Variants in RMDN1 observed in about 807,000 individuals in gnomAD.
RMDN1 encodes the protein regulator of microtubule dynamics 1.
A neutral mutation model predicts 48.9 loss-of-function variants in RMDN1; 48 were observed. The observed-to-expected ratio is 0.98, with a 90% confidence interval of 0.78 to 1.25. RMDN1 has a LOEUF of 1.25. RMDN1 is among the 50% of genes most tolerant of loss of function. The pLI is 0.00. For synonymous variants in RMDN1, 148 were observed against 132.6 expected, an observed-to-expected ratio of 1.12 and a Z score of -0.80; for missense variants, 418 against 373.4, an observed-to-expected ratio of 1.12 and a Z score of -0.98.
At chr8:86,508,873 C>G, upstream of RMDN1, 1 of 1,109,060 alleles carries the variant, frequency 9.0e-7, no homozygotes, top group African/African-American at 1.6e-5. Flanking sequence ...GCCGTGAGAG[C>G]GCTCTCTTCA....
chr8:86,474,477 C>T, intron 9 of RMDN1, 119 bp from the exon 10 acceptor site: 3 of 812,198 alleles, frequency 3.7e-6, no homozygotes, highest in Non-Finnish European at 4.2e-6. Flanking sequence ...GACATTATAA[C>T]AATAAAATGT....
downstream of RMDN1, chr8:86,470,307 G>C (rs533406334): frequency 1.6e-6 from 2 of 1,289,288 alleles, no homozygotes; most frequent in South Asian, 2.5e-5. Context: ...GGGGCTGCAC[G>C]GGAAGGAGAA....
chr8:86,503,371 CAAA>C (rs1182231210), intron 2 of RMDN1, among the ~76,000 whole-genome samples: 18 of 68,008 alleles, frequency 2.6e-4, no homozygotes, highest in Middle Eastern at 6.0e-3. Flanking sequence ...CAAAACAAAA[CAAA>C]AAAAAAAAAA....
Position 86,498,625 on chromosome 8 carries a change from CA to C in RMDN1, c.247+8369del, listed in dbSNP as rs1817744187. ...GAAACCCCGACTCTACAAAAAAATA[CA>C]AAAAATTACCCAGGCGTAGTGGTAT... On this transcript the variant is annotated intron_variant, in intron 2 of 9. Transcript: ENST00000406452. 3.3e-5 allele frequency among the ~76,000 whole-genome samples: 5 copies of C among 151,278 alleles called. No individual in the cohort carries two copies. In the South Asian group the frequency reaches 1.0e-3, roughly 32 times the overall value.
In RMDN1 at chr8:86,474,248, T is replaced by C. The variant is rs1256475741; in HGVS notation, c.*60A>G. The C allele has an allele frequency of 1.2e-6, 2 of 1,606,434 alleles. No homozygotes were observed. The highest frequency in any genetic ancestry group is 1.7e-5 in the Admixed American group (1 of 58,934). ...ACAGTTATAGTTCATATATTAAGTTTAGAATTAAAAGAAAAGGCAATGTTT... is the reference window on the plus strand; with the variant it reads ...ACAGTTATAGTTCATATATTAAGTTCAGAATTAAAAGAAAAGGCAATGTTT... On this transcript the variant is annotated 3_prime_UTR_variant, in exon 10 of 10. Coordinates refer to ENST00000406452, the MANE Select transcript of RMDN1 (RefSeq NM_016033.3).
At chr8:86,475,104 T>C (rs1217019182) in intron 8 of RMDN1, 151 bp from the exon 9 acceptor site, 2 of 554,476 alleles carry the variant, frequency 3.6e-6, no homozygotes, top group Non-Finnish European at 6.1e-6. Context: ...TGTTTATATC[T>C]CAAACAAATA....
At chr8:86,495,571 C>A (rs1447046607) in intron 2 of RMDN1, among the ~76,000 whole-genome samples, 1 of 152,046 alleles carries the variant, frequency 6.6e-6, no homozygotes, top group African/African-American at 2.4e-5. Context: ...CGGAATGGGG[C>A]CTATCTCATC....
intron 2 of RMDN1, chr8:86,504,378 C>G: frequency 6.4e-7 from 1 of 1,564,598 alleles, no homozygotes; most frequent in Non-Finnish European, 8.8e-7. Context: ...GAGTATCCAG[C>G]TACCAACAGC....
rs7841373 is a variant in RMDN1, at chr8:86,503,683, G to A, written c.247+3312C>T. The A allele has an allele frequency of 4.0e-3, 1,867 of 472,346 alleles. 37 individuals are homozygous for A. The highest frequency in any genetic ancestry group is 0.034 in the African/African-American group (1,703 of 49,856). The allele number at this position is 472,346 out of a possible 1,614,324, so 29.3% of individuals were successfully genotyped here. ...CGGGAGTCATCAGTGCTCCTGAGAT[G>A]ATCATAAAGGAATTTATCAATAACA... On this transcript the variant is annotated intron_variant, in intron 2 of 9. Transcript: ENST00000406452.
chr8:86,488,038 G>T (rs1393630601), intron 3 of RMDN1, among the ~76,000 whole-genome samples: 2 of 152,086 alleles, frequency 1.3e-5, no homozygotes, highest in Non-Finnish European at 2.9e-5. Context: ...TCCCAAAAAT[G>T]AGTACACACT....
At chr8:86,484,317 A>C in intron 5 of RMDN1, among the ~76,000 whole-genome samples, 1 of 142,524 alleles carries the variant, frequency 7.0e-6, no homozygotes, top group Non-Finnish European at 1.6e-5. Context: ...TGGACACTGT[A>C]GTCTCAGCTG....
At chr8:86,508,858 C>A, upstream of RMDN1, 3 of 1,201,210 alleles carry the variant, frequency 2.5e-6, no homozygotes, top group East Asian at 1.1e-4. Context: ...GCGTCCAGGA[C>A]TGAGGCCGTG....
chr8:86,492,332 T>G (rs1816648942), intron 2 of RMDN1, among the ~76,000 whole-genome samples: 1 of 152,286 alleles, frequency 6.6e-6, no homozygotes, highest in African/African-American at 2.4e-5. Context: ...TTAGCATACC[T>G]TGGGGCTTTA....
chr8:86,503,385 A>AAAAAAAAAAAAAAAAAAAAAAAAC (rs1554594088), intron 2 of RMDN1, among the ~76,000 whole-genome samples: 2 of 81,090 alleles, frequency 2.5e-5, no homozygotes, highest in African/African-American at 6.8e-5. Context: ...AAAAAAAAAA[A>AAAAAAAAAAAAAAAAAAAAAAAAC]AAAACAAAAA....
In RMDN1 at chr8:86,472,701, T is replaced by G; in HGVS notation, c.*1607A>C. 2 of 531,498 alleles carry G rather than the reference T, an allele frequency of 3.8e-6. No homozygotes were observed. The highest frequency in any genetic ancestry group is 6.6e-6 in the Non-Finnish European group (2 of 302,036). 32.9% of individuals were successfully genotyped at this position (531,498 alleles called of 1,614,324 possible). A position where few individuals can be genotyped will look rare whatever the true frequency, so the allele number is the denominator to read the frequency against. On this transcript the variant is annotated 3_prime_UTR_variant, in exon 10 of 10. Transcript: ENST00000406452. The stretch of plus-strand genomic sequence containing the variant: ...TTGTTCCTGTGCGAGTTATGTCATA[T>G]TTTTTACTGTTAAGTACTTATGCAT...
chr8:86,488,067 TACA>T (rs1815792329), intron 3 of RMDN1, among the ~76,000 whole-genome samples: 1 of 152,128 alleles, frequency 6.6e-6, no homozygotes, highest in Non-Finnish European at 1.5e-5. Context: ...ACACTAAACA[TACA>T]ATCTAATAAT....
In RMDN1 at chr8:86,507,036, T is replaced by A; in HGVS notation, c.206A>T (p.Gln69Leu). 1 of 1,612,954 alleles carries A rather than the reference T, an allele frequency of 6.2e-7. No individual in the cohort carries two copies. ...ALSYLGFETY[Q>L]VISQAAVVHA... is the part of the protein sequence containing the mutation. ...AACCACAGCAGCCTGAGAGATAACC[T>A]GGTAAGTTTCAAAACCCAAATACGA... Residue 69 changes from glutamine to leucine, a missense_variant, in exon 2 of 10, where the codon CAG becomes CTG. Transcript: ENST00000406452.
At chr8:86,489,377 G>T (rs1392953632) in intron 2 of RMDN1, among the ~76,000 whole-genome samples, 3 of 151,920 alleles carry the variant, frequency 2.0e-5, no homozygotes, top group Non-Finnish European at 4.4e-5. Flanking sequence ...TCTACTTAAT[G>T]AAAAAAACAG....
At chr8:86,492,938 T>C (rs1816740818) in intron 2 of RMDN1, among the ~76,000 whole-genome samples, 1 of 150,670 alleles carries the variant, frequency 6.6e-6, no homozygotes, top group South Asian at 2.1e-4. Flanking sequence ...TGAATAAGCA[T>C]AAAGCAGATC....
Sources: allele counts gnomAD v4.1 joint callset (sites outside exome capture counted in the v4.1 genomes callset), GRCh38; gene constraint gnomAD v4.1.1; transcripts MANE v1.5; gene names NCBI Gene and HGNC (gene_info 2026-07-23, HGNC 2026-07-21).